The following NUDT21 variants were observed in gnomAD, a reference collection of about 807,000 sequenced individuals.
The protein encoded by NUDT21 is nudix hydrolase 21, also known as cleavage and polyadenylation specificity factor subunit 5.
Under a neutral mutation model 29.8 loss-of-function variants are expected in NUDT21, and 5 were observed. The ratio of observed to expected loss-of-function variants is 0.17; its 90% CI spans 0.09 to 0.35. NUDT21 has a LOEUF of 0.35. Among genes scored for constraint, NUDT21 ranks in the 10% least tolerant of loss-of-function variants. NUDT21 has a pLI of 1.00. For missense variants in NUDT21, 76 were observed against 276.0 expected (o/e 0.28, Z 5.13); for synonymous variants, 113 against 98.5 (o/e 1.15, Z -0.87).
At chr16:56,444,412 C>G (rs1305761099) in intron 3 of NUDT21, among the ~76,000 whole-genome samples, 1 of 151,640 alleles carries the variant, frequency 6.6e-6, no homozygotes, top group East Asian at 1.9e-4. Context: ...GGTGAAACCC[C>G]ATCTCTACTA....
intron 4 of NUDT21, 63 bp from the exon 5 acceptor site, chr16:56,434,892 A>T (rs895941038): frequency 8.1e-6 from 8 of 988,868 alleles, no homozygotes; most frequent in Non-Finnish European, 9.6e-6. Flanking sequence ...TTACATGTTT[A>T]CTCCCCAGTA....
At chr16:56,451,011 A>G in intron 1 of NUDT21, 76 bp downstream of exon 1, 1 of 1,305,040 alleles carries the variant, frequency 7.7e-7, no homozygotes, top group Non-Finnish European at 1.1e-6. Flanking sequence ...AAGCGCGCCG[A>G]AAAGCCGGGG....
At position 56,451,217 on chromosome 16, in the gene NUDT21, G is replaced by A; in HGVS notation, c.-15C>T. ...ACCACAGACATGCTGGCGAGCTCCG[G>A]CGCTGACGGCGAGCAGAAAGTGGCA... On this transcript the variant is annotated 5_prime_UTR_variant, in exon 1 of 7. Coordinates refer to ENST00000300291, the MANE Select transcript of NUDT21 (RefSeq NM_007006.3). 1 of 1,574,080 alleles carries A rather than the reference G, an allele frequency of 6.4e-7. No homozygotes were observed. Among genetic ancestry groups the A allele is most frequent in the Non-Finnish European group, 8.6e-7 (1 of 1,156,674 alleles).
Position 56,430,141 on chromosome 16 carries a change from C to T in NUDT21, c.*2571G>A, listed in dbSNP as rs1450215272. ...AGACAATAAAAAGTTTTAAAATCTT[C>T]CAAATGTGCTGTTAACAGTACAAAT... On this transcript the variant is annotated 3_prime_UTR_variant, in exon 7 of 7. Transcript: ENST00000300291. The T allele has an allele frequency of 6.6e-6, 1 of 152,142 alleles. No homozygotes were observed. 9.4% of individuals were successfully genotyped at this position (152,142 alleles called of 1,614,324 possible). A position where few individuals can be genotyped will look rare whatever the true frequency, so the allele number is the denominator to read the frequency against.
At chr16:56,448,567 C>T (rs1435690225) in intron 1 of NUDT21, among the ~76,000 whole-genome samples, 1 of 152,164 alleles carries the variant, frequency 6.6e-6, no homozygotes, top group Non-Finnish European at 1.5e-5. Context: ...ATTTACTAGC[C>T]TTTGGCATTT....
intron 3 of NUDT21, 63 bp from the exon 4 acceptor site, chr16:56,439,809 G>T: frequency 7.6e-7 from 1 of 1,309,420 alleles, no homozygotes. Flanking sequence ...CCCTTCTTCA[G>T]TGAACAGAAA....
At chr16:56,448,793 C>G (rs576568163) in intron 1 of NUDT21, among the ~76,000 whole-genome samples, 31 of 152,268 alleles carry the variant, frequency 2.0e-4, no homozygotes, top group African/African-American at 7.0e-4. Context: ...AGCCTTACAG[C>G]AAGAAGCCTT....
At chr16:56,432,835 G>A in intron 6 of NUDT21, 102 bp from the exon 7 acceptor site, 1 of 830,818 alleles carries the variant, frequency 1.2e-6, no homozygotes, top group Non-Finnish European at 1.8e-6. Context: ...CCCTTAGCAT[G>A]TCTGGCATTT....
Position 56,437,777 on chromosome 16 carries a change from G to A in NUDT21, c.471+1880C>T, listed in dbSNP as rs1026075406. Among the ~76,000 whole-genome samples the A allele has an allele frequency of 2.0e-5, 3 of 152,192 alleles. No individual in the cohort carries two copies. The East Asian group carries it at 5.8e-4, about 29-fold the overall frequency. ...GCTTCCTGGAATCACCTCTCAAACT[G>A]CCTGTACCCAAGTCTTGGTCTTACC... is the stretch of plus-strand genomic sequence containing the variant. On this transcript the variant is annotated intron_variant, in intron 4 of 6. Coordinates refer to ENST00000300291, the MANE Select transcript of NUDT21 (RefSeq NM_007006.3).
chr16:56,451,026 G>T, intron 1 of NUDT21, 61 bp downstream of exon 1: 3 of 1,409,196 alleles, frequency 2.1e-6, no homozygotes, highest in Non-Finnish European at 2.0e-6. Context: ...CCGGGGGCGC[G>T]TCGGAGAGTC....
chr16:56,434,539 G>A, intron 5 of NUDT21, 94 bp from the exon 6 acceptor site: 1 of 846,102 alleles, frequency 1.2e-6, no homozygotes, highest in Admixed American at 2.5e-5. Flanking sequence ...AATAAAAAGT[G>A]TAAGAAAAAA....
chr16:56,438,485 T>C (rs1387734825), intron 4 of NUDT21, among the ~76,000 whole-genome samples: 2 of 152,342 alleles, frequency 1.3e-5, no homozygotes, highest in African/African-American at 4.8e-5. Context: ...TTCCACCTTA[T>C]GATGCAGTCC....
rs1962030215 is a variant in NUDT21, at chr16:56,431,241, C to T, written c.*1471G>A. 6.6e-6 allele frequency: 1 copy of T among 152,162 alleles called. No individual in the cohort carries two copies. Among genetic ancestry groups the T allele is most frequent in the African/African-American group, 2.4e-5 (1 of 41,438 alleles). The allele number at this position is 152,162 out of a possible 1,614,324, so 9.4% of individuals were successfully genotyped here. A position where few individuals can be genotyped will look rare whatever the true frequency, so the allele number is the denominator to read the frequency against. On this transcript the variant is annotated 3_prime_UTR_variant, in exon 7 of 7. Coordinates refer to ENST00000300291, the MANE Select transcript of NUDT21 (RefSeq NM_007006.3). ...GCTAATGTAGGCTAGAGGGGTAGGA[C>T]TGTTAGGGGCAGGAGGGAAAAGGAC...
chr16:56,439,831 T>C lies in NUDT21; in HGVS notation c.382-85A>G, dbSNP rs186599195. The C allele has an allele frequency of 1.2e-3, 1,173 of 1,013,596 alleles. 7 individuals are homozygous for C. The highest frequency in any genetic ancestry group is 3.7e-3 in the Middle Eastern group (18 of 4,870). 62.8% of individuals were successfully genotyped at this position (1,013,596 alleles called of 1,614,324 possible). ...TCAGTGAACAGAAAATTCTTAGCAG[T>C]GCTCCTAATTGAAACATAGGGATAA... On this transcript the variant is annotated intron_variant, in intron 3 of 6. Transcript: ENST00000300291.
rs1962029604 is a variant in NUDT21 at position 56,431,183 on chromosome 16, G to A, written c.*1529C>T. 1 of 152,218 alleles carries A rather than the reference G, an allele frequency of 6.6e-6. No individual in the cohort carries two copies. Among genetic ancestry groups the A allele is most frequent in the Non-Finnish European group, 1.5e-5 (1 of 68,042 alleles). The allele number at this position is 152,218 out of a possible 1,614,324, so 9.4% of individuals were successfully genotyped here. On this transcript the variant is annotated 3_prime_UTR_variant, in exon 7 of 7. Coordinates refer to ENST00000300291, the MANE Select transcript of NUDT21 (RefSeq NM_007006.3). ...GCTGAAGGACGCAGCTAATGGATGA[G>A]CTTACCAGCAAAATACATTACATGA... is the stretch of plus-strand genomic sequence containing the variant.
At chr16:56,447,122 G>C in intron 2 of NUDT21, 1 of 160,200 alleles carries the variant, frequency 6.2e-6, no homozygotes, top group Non-Finnish European at 1.4e-5. Context: ...ATGTCCATAT[G>C]TACCCATCAC....
In NUDT21 at chr16:56,451,101, C is replaced by T. The variant is rs1463983391; in HGVS notation, c.102G>A (p.Glu34=). 4.3e-6 allele frequency: 7 copies of T among 1,613,638 alleles called. No individual in the cohort carries two copies. Among genetic ancestry groups the T allele is most frequent in the South Asian group, 2.2e-5 (2 of 91,052 alleles). Residue 34 remains glutamate (E), a synonymous_variant, in exon 1 of 7, where the codon GAG becomes GAA. Transcript: ENST00000300291. ...YIQQTKPLTL[E]RTINLYPLTN... The stretch of plus-strand genomic sequence containing the variant: ...GCCGCACTTACAGGTTGATGGTGCG[C>T]TCCAGGGTGAGGGGCTTCGTCTGCT...
At chr16:56,450,927 G>T (rs1206793941) in intron 1 of NUDT21, among the ~76,000 whole-genome samples, 160 bp downstream of exon 1, 1 of 152,244 alleles carries the variant, frequency 6.6e-6, no homozygotes, top group Non-Finnish European at 1.5e-5. Flanking sequence ...TGGAGGATGA[G>T]AAAGGGGCCT....
At position 56,434,799 on chromosome 16, in the gene NUDT21, G is replaced by A. The variant is rs1345871173; in HGVS notation, c.502C>T (p.Pro168Ser). The A allele has an allele frequency of 6.3e-7, 1 of 1,599,458 alleles. No homozygotes were observed. Among genetic ancestry groups the A allele is most frequent in the Non-Finnish European group, 8.6e-7 (1 of 1,168,104 alleles). Reference sequence around the variant, plus strand: ...AGAAACAACTTCTTATGTTCCTTAGGCTTTGTAATATGTGCAGGAATATAT... The same window carrying A: ...AGAAACAACTTCTTATGTTCCTTAGACTTTGTAATATGTGCAGGAATATAT... ...YPYIPAHITKPKEHKKLFLVQ... is the reference protein window; with the variant it reads ...YPYIPAHITKSKEHKKLFLVQ... Residue 168 changes from proline to serine, a missense_variant, in exon 5 of 7, where the codon CCT becomes TCT. By Grantham distance (74) the Pro-to-Ser change is moderately conservative. This residue lies in a region of NUDT21 where 13 missense variants were observed against 16.6 expected (regional missense o/e 0.79). Coordinates refer to ENST00000300291, the MANE Select transcript of NUDT21 (RefSeq NM_007006.3).
Sources: allele counts gnomAD v4.1 joint callset (sites outside exome capture counted in the v4.1 genomes callset), GRCh38; gene constraint gnomAD v4.1.1; regional missense constraint gnomAD v4.1.1; transcripts MANE v1.5; gene names NCBI Gene and HGNC (gene_info 2026-07-23, HGNC 2026-07-21).